The following KCNAB1 variants were observed in gnomAD, a reference collection of about 807,000 sequenced individuals.
The protein encoded by KCNAB1 is voltage-gated potassium channel subunit beta-1.
A neutral mutation model predicts 64.6 loss-of-function variants in KCNAB1; 35 were observed. The observed-to-expected ratio is 0.54, with a 90% CI of 0.41 to 0.72. The LOEUF is 0.72. KCNAB1 is among the 30% of genes least tolerant of loss of function. The pLI, the probability that KCNAB1 is intolerant of heterozygous loss-of-function variation, is 0.00. For synonymous variants in KCNAB1, 177 were observed against 183.8 expected (o/e 0.96, Z 0.30); for missense variants, 401 against 512.9 (o/e 0.78, Z 2.11).
chr3:156,521,716 A>G (rs545466752), intron 11 of KCNAB1, among the ~76,000 whole-genome samples: 2 of 152,284 alleles, frequency 1.3e-5, no homozygotes, highest in South Asian at 4.1e-4. Flanking sequence ...ATATTTAATT[A>G]ACATTTTAAT....
intron 1 of KCNAB1, among the ~76,000 whole-genome samples, chr3:156,220,439 G>A (rs1449404036): frequency 6.6e-6 from 1 of 152,172 alleles, no homozygotes; most frequent in African/African-American, 2.4e-5. Flanking sequence ...ATCTCATTGT[G>A]GTTTTGATTT....
chr3:156,129,938 G>T (rs375112969), intron 1 of KCNAB1, among the ~76,000 whole-genome samples: 1 of 152,086 alleles, frequency 6.6e-6, no homozygotes, highest in African/African-American at 2.4e-5. Context: ...TGGACCAAAC[G>T]CCTTGTCTGT....
intron 8 of KCNAB1, among the ~76,000 whole-genome samples, chr3:156,482,853 G>C (rs1714929126): frequency 6.6e-6 from 1 of 152,082 alleles, no homozygotes; most frequent in Non-Finnish European, 1.5e-5. Context: ...TAGTACTGCT[G>C]TAATTTTTTT....
At chr3:156,369,957 A>T (rs904562225) in intron 1 of KCNAB1, among the ~76,000 whole-genome samples, 57 of 152,358 alleles carry the variant, frequency 3.7e-4, no homozygotes, top group African/African-American at 1.3e-3. Flanking sequence ...GATACACTAA[A>T]TGTCATTAAC....
chr3:156,380,267 G>C (rs1267702226), intron 1 of KCNAB1, among the ~76,000 whole-genome samples: 2 of 152,126 alleles, frequency 1.3e-5, no homozygotes, highest in Non-Finnish European at 2.9e-5. Context: ...TTCTTAGTTG[G>C]TTTGTATTAT....
chr3:156,315,984 G>A (rs548681196), intron 1 of KCNAB1, among the ~76,000 whole-genome samples: 65 of 152,240 alleles, frequency 4.3e-4, no homozygotes, highest in African/African-American at 9.4e-4. Flanking sequence ...GAGAAATTCC[G>A]TGTGTTCACA....
chr3:156,218,828 AAT>A (rs1715509567), intron 1 of KCNAB1, among the ~76,000 whole-genome samples: 2 of 148,046 alleles, frequency 1.4e-5, no homozygotes, highest in Non-Finnish European at 3.0e-5. Flanking sequence ...AATAAAAATA[AAT>A]AAATAAATAA....
chr3:156,497,648 A>T (rs1179572696), intron 8 of KCNAB1, among the ~76,000 whole-genome samples: 1 of 152,248 alleles, frequency 6.6e-6, no homozygotes, highest in African/African-American at 2.4e-5. Context: ...CTTGAGTCAG[A>T]TATCTGCAAT....
intron 1 of KCNAB1, among the ~76,000 whole-genome samples, chr3:156,312,139 A>G (rs1721951356): frequency 6.6e-6 from 1 of 152,234 alleles, no homozygotes; most frequent in African/African-American, 2.4e-5. Flanking sequence ...AGTGACATGC[A>G]CAATTGCAGT....
intron 1 of KCNAB1, among the ~76,000 whole-genome samples, chr3:156,249,169 G>A (rs1717656658): frequency 6.6e-6 from 1 of 152,086 alleles, no homozygotes; most frequent in South Asian, 2.1e-4. Context: ...TTAATTTGAG[G>A]GATGATACTA....
At position 156,516,293 on chromosome 3, in the gene KCNAB1, C is replaced by A; in HGVS notation, c.889C>A (p.Pro297Thr). 6.2e-7 allele frequency: 1 copy of A among 1,614,038 alleles called. No individual in the cohort carries two copies. The highest frequency in any genetic ancestry group is 8.5e-7 in the Non-Finnish European group (1 of 1,179,890). Residue 297 changes from proline to threonine, a missense_variant, in exon 11 of 14, where the codon CCA (proline) becomes ACA (threonine). Transcript: ENST00000490337. ...AGGTGTTGGCGCAATGACATGGTCT[C>A]CACTTGCCTGTGGAATCATCTCAGG... The part of the protein sequence containing the change: ...KIGVGAMTWS[P>T]LACGIISGKY...
At chr3:156,484,390 CAG>C (rs1273500050) in intron 8 of KCNAB1, among the ~76,000 whole-genome samples, 2 of 152,006 alleles carry the variant, frequency 1.3e-5, no homozygotes, top group Non-Finnish European at 2.9e-5. Flanking sequence ...AGAGGGAGAA[CAG>C]AGAGTGCTTC....
intron 1 of KCNAB1, among the ~76,000 whole-genome samples, chr3:156,327,707 T>C (rs1354023981): frequency 1.3e-5 from 2 of 152,012 alleles, no homozygotes; most frequent in African/African-American, 4.8e-5. Flanking sequence ...AGGCACAGAG[T>C]TGGCACAGAG....
At chr3:156,172,811 C>G (rs1712090344) in intron 1 of KCNAB1, among the ~76,000 whole-genome samples, 1 of 152,196 alleles carries the variant, frequency 6.6e-6, no homozygotes, top group Non-Finnish European at 1.5e-5. Context: ...GCAGAGAATA[C>G]TCTCTGAGCT....
chr3:156,295,593 TCTA>T (rs1440347994), intron 1 of KCNAB1, among the ~76,000 whole-genome samples: 1 of 152,102 alleles, frequency 6.6e-6, no homozygotes, highest in Non-Finnish European at 1.5e-5. Context: ...ATAAAAAAAA[TCTA>T]CTAGAACATT....
chr3:156,222,439 T>C (rs1212506853), intron 1 of KCNAB1, among the ~76,000 whole-genome samples: 1 of 152,104 alleles, frequency 6.6e-6, no homozygotes, highest in African/African-American at 2.4e-5. Context: ...CAATTACTAC[T>C]ATACCTAAGA....
Position 156,337,194 on chromosome 3 carries a change from G to A in KCNAB1, c.276-84422G>A, listed in dbSNP as rs111695794. 1.1e-3 allele frequency among the ~76,000 whole-genome samples: 169 copies of A among 152,292 alleles called. 1 individual carries two copies. Among genetic ancestry groups the A allele is most frequent in the African/African-American group, 4.0e-3 (165 of 41,576 alleles). ...AGAAATAAAATTGCATTATATGCAA[G>A]TGAGATAAGTTGGAAATAAATCATC... On this transcript the variant is annotated intron_variant, in intron 1 of 13. Coordinates refer to ENST00000490337, the MANE Select transcript of KCNAB1 (RefSeq NM_172160.3).
intron 1 of KCNAB1, among the ~76,000 whole-genome samples, chr3:156,138,669 T>C (rs1397099784): frequency 6.6e-6 from 1 of 152,194 alleles, no homozygotes; most frequent in East Asian, 1.9e-4. Flanking sequence ...GGAGGAAGGA[T>C]CATCACCTCT....
intron 1 of KCNAB1, among the ~76,000 whole-genome samples, chr3:156,126,985 C>T (rs1713697288): frequency 6.6e-6 from 1 of 152,202 alleles, no homozygotes; most frequent in Admixed American, 6.5e-5. Flanking sequence ...AGGGATGCCT[C>T]TCTTTTCTGG....
Sources: allele counts gnomAD v4.1 joint callset (sites outside exome capture counted in the v4.1 genomes callset), GRCh38; gene constraint gnomAD v4.1.1; transcripts MANE v1.5; gene names NCBI Gene and HGNC (gene_info 2026-07-23, HGNC 2026-07-21).